Variants in MOB1A observed in about 807,000 individuals in gnomAD.
The protein encoded by MOB1A is MOB1 Mps One Binder homolog A.
MOB1A carries 10 observed loss-of-function variants against 25.1 expected under a neutral mutation model. The ratio of observed to expected loss-of-function variants is 0.40; its 90% CI spans 0.25 to 0.68. The LOEUF (loss-of-function observed/expected upper bound fraction) is 0.68. MOB1A is among the 30% of genes least tolerant of loss of function. MOB1A has a pLI of 0.40. For missense variants in MOB1A, 177 were observed against 256.3 expected (o/e 0.69, Z 2.11); for synonymous variants, 81 against 79.5 (o/e 1.02, Z -0.10).
intron 5 of MOB1A, among the ~76,000 whole-genome samples, chr2:74,158,431 A>T (rs1236030739): frequency 6.6e-6 from 1 of 152,252 alleles, no homozygotes; most frequent in Non-Finnish European, 1.5e-5. Flanking sequence ...CTCTAAAGTT[A>T]GGCTAAAGGC....
chr2:74,160,299 G>GC, intron 4 of MOB1A, among the ~76,000 whole-genome samples: 1 of 152,168 alleles, frequency 6.6e-6, no homozygotes, highest in South Asian at 2.1e-4. Context: ...ATAAGCCTGA[G>GC]CAACAAGGTA....
chr2:74,167,365 C>G (rs966171181), intron 2 of MOB1A, among the ~76,000 whole-genome samples: 1 of 152,164 alleles, frequency 6.6e-6, no homozygotes, highest in African/African-American at 2.4e-5. Context: ...CCTGCCTCAG[C>G]CTCCCAAGTA....
chr2:74,169,356 G>T (rs980377473), intron 2 of MOB1A, among the ~76,000 whole-genome samples: 3 of 151,988 alleles, frequency 2.0e-5, no homozygotes, highest in African/African-American at 7.2e-5. Context: ...ACAAAAATTA[G>T]CCGGGCATGG....
intron 2 of MOB1A, among the ~76,000 whole-genome samples, chr2:74,172,238 T>A (rs965927141): frequency 2.0e-5 from 3 of 152,046 alleles, no homozygotes; most frequent in African/African-American, 7.2e-5. Flanking sequence ...CTGCTGGGAG[T>A]GGAAGTAAAA....
chr2:74,177,104 G>C (rs905736726), intron 1 of MOB1A, among the ~76,000 whole-genome samples: 3 of 152,128 alleles, frequency 2.0e-5, no homozygotes, highest in Non-Finnish European at 4.4e-5. Context: ...TCTGAGGTCA[G>C]GAGTTCGAGA....
At chr2:74,159,717 C>G (rs1016437721) in intron 4 of MOB1A, among the ~76,000 whole-genome samples, 3 of 152,088 alleles carry the variant, frequency 2.0e-5, no homozygotes, top group Non-Finnish European at 4.4e-5. Context: ...TCACAAAGTA[C>G]CACACTTTTT....
chr2:74,155,656 A>G lies in MOB1A; in HGVS notation c.*912T>C, dbSNP rs1355324451. ...AATAAAATAATCAAGTACTCTGAGT[A>G]TTTTCCTCCATTCTCTTATCCAGAA... On this transcript the variant is annotated 3_prime_UTR_variant, in exon 6 of 6. Transcript: ENST00000396049. The G allele has an allele frequency of 6.6e-6, 1 of 152,586 alleles. No homozygotes were observed. Among genetic ancestry groups the G allele is most frequent in the Non-Finnish European group, 1.5e-5 (1 of 67,984 alleles). The allele number at this position is 152,586 out of a possible 1,614,324, so 9.5% of individuals were successfully genotyped here.
rs752962575 is a variant in MOB1A at position 74,159,257 on chromosome 2, G to A, written c.410-3C>T. On this transcript the variant is annotated splice_region_variant and splice_polypyrimidine_tract_variant and intron_variant, in intron 4 of 5. Coordinates refer to ENST00000396049, the MANE Select transcript of MOB1A (RefSeq NM_018221.5). ...AAAGTTTTTGGGAAATGGGACACCT[G>A]CAATTAAATACACATATGAAACAAT... 2.5e-6 allele frequency: 4 copies of A among 1,611,262 alleles called. No individual in the cohort carries two copies. Among genetic ancestry groups the A allele is most frequent in the Admixed American group, 1.7e-5 (1 of 59,476 alleles).
At chr2:74,160,973 C>G (rs755058286) in intron 4 of MOB1A, among the ~76,000 whole-genome samples, 3 of 150,664 alleles carry the variant, frequency 2.0e-5, no homozygotes, top group Non-Finnish European at 3.0e-5. Flanking sequence ...GCAGAAGAAT[C>G]GCTTGAACCC....
rs1692888807 is a variant in MOB1A, at chr2:74,159,171, G to A, written c.493C>T (p.Gln165Ter). 4.3e-6 allele frequency: 7 copies of A among 1,613,770 alleles called. No homozygotes were observed. The highest frequency in any genetic ancestry group is 5.9e-6 in the Non-Finnish European group (7 of 1,179,698). The change falls in exon 5 of 6, where the codon CAG becomes TAG. Residue 165 changes from glutamine (Q) to a stop codon, truncating the protein, a stop_gained. Coordinates refer to ENST00000396049, the MANE Select transcript of MOB1A (RefSeq NM_018221.5). LOFTEE classifies it high-confidence loss of function. Reference protein sequence around the residue: ...LFRVYAHIYHQHFDSVMQLQE... With the variant: ...LFRVYAHIYH Reference sequence around the variant, plus strand: ...AGCTGCATCACAGAATCAAAGTGCTGGTGATAAATATGGGCATAAACCCTG... The same window carrying A: ...AGCTGCATCACAGAATCAAAGTGCTAGTGATAAATATGGGCATAAACCCTG...
intron 2 of MOB1A, among the ~76,000 whole-genome samples, chr2:74,168,762 T>C (rs956560165): frequency 6.6e-6 from 1 of 152,262 alleles, no homozygotes; most frequent in African/African-American, 2.4e-5. Flanking sequence ...AGGAATTTTA[T>C]ACAAAACTCC....
At chr2:74,176,107 C>CACAT (rs1160598200) in intron 1 of MOB1A, among the ~76,000 whole-genome samples, 1 of 149,250 alleles carries the variant, frequency 6.7e-6, no homozygotes. Flanking sequence ...CACACACACA[C>CACAT]ACACACACAC....
At chr2:74,160,219 G>A (rs1692928112) in intron 4 of MOB1A, among the ~76,000 whole-genome samples, 1 of 152,026 alleles carries the variant, frequency 6.6e-6, no homozygotes, top group South Asian at 2.1e-4. Flanking sequence ...GTGGTGGCTC[G>A]TGCCTGTAAT....
chr2:74,173,129 C>T, intron 1 of MOB1A: 1 of 498,508 alleles, frequency 2.0e-6, no homozygotes, highest in East Asian at 5.6e-5. Context: ...GAGCAAGACT[C>T]AGTCTCAAAA....
rs191771322 is a variant in MOB1A, at chr2:74,153,475, T to A, written c.*3093A>T. On this transcript the variant is annotated 3_prime_UTR_variant, in exon 6 of 6. Coordinates refer to ENST00000396049, the MANE Select transcript of MOB1A (RefSeq NM_018221.5). ...GTGAATACAGATTTTGCATTTCTCA[T>A]GTAAGCAGCTATATAAGCTAGGGTT... The A allele has an allele frequency of 8.4e-4, 128 of 152,322 alleles. No homozygotes were observed. The highest frequency in any genetic ancestry group is 3.0e-3 in the African/African-American group (124 of 41,568). 9.4% of individuals were successfully genotyped at this position (152,322 alleles called of 1,614,324 possible).
At chr2:74,168,543 TGAAGTGGAAGGATCCCTTGAGACTAG>T (rs1417669790) in intron 2 of MOB1A, among the ~76,000 whole-genome samples, 1 of 152,128 alleles carries the variant, frequency 6.6e-6, no homozygotes, top group Non-Finnish European at 1.5e-5. Flanking sequence ...CTCAGGACGC[TGAAGTGGAAGGATCCCTTGAGACTAG>T]GAGTTCAAGG....
rs1693555606 is a variant in MOB1A at position 74,178,814 on chromosome 2, C to T, written c.-140G>A. ...CGCCGCTCGGAGCCGGGTTTCTGGC[C>T]GCTGCGAGCCTTTGCAAACCTCGGC... On this transcript the variant is annotated 5_prime_UTR_variant, in exon 1 of 6. Transcript: ENST00000396049. 4 of 445,554 alleles carry T rather than the reference C, an allele frequency of 9.0e-6. No homozygotes were observed. Among genetic ancestry groups the T allele is most frequent in the Non-Finnish European group, 1.4e-5 (4 of 279,220 alleles). The allele number at this position is 445,554 out of a possible 1,614,324, so 27.6% of individuals were successfully genotyped here.
In MOB1A at chr2:74,156,625, C is replaced by G. The variant is rs1480994444; in HGVS notation, c.594G>C (p.Arg198Ser). Residue 198 changes from arginine (R) to serine (S), a missense_variant, in exon 6 of 6, where the codon AGG becomes AGC. Arg to Ser is a moderately radical substitution (Grantham distance 110, BLOSUM62 -1). Transcript: ENST00000396049. ...ATTCTTGAAGAGGTGCCAGCTCACG[C>G]CTATCAATCAGATTAAACTCCTAAA... is the stretch of plus-strand genomic sequence containing the variant. ...FFVQEFNLID[R>S]RELAPLQELI... 1 of 1,554,278 alleles carries G rather than the reference C, an allele frequency of 6.4e-7. No individual in the cohort carries two copies.
At chr2:74,156,922 G>A (rs1385646956) in intron 5 of MOB1A, among the ~76,000 whole-genome samples, 1 of 151,912 alleles carries the variant, frequency 6.6e-6, no homozygotes. Context: ...GATTACAGGG[G>A]TAAGCCACCA....
Sources: allele counts gnomAD v4.1 joint callset (sites outside exome capture counted in the v4.1 genomes callset), GRCh38; gene constraint gnomAD v4.1.1; transcripts MANE v1.5; gene names NCBI Gene and HGNC (gene_info 2026-07-23, HGNC 2026-07-21).